LPP: variants seen among roughly 807,000 people sequenced by gnomAD.
LPP encodes LIM domain containing preferred translocation partner in lipoma.
LPP carries 38 observed loss-of-function variants against 60.4 expected under a neutral mutation model. That is an observed-to-expected ratio of 0.63 (90% CI 0.49 to 0.83). The LOEUF is 0.83. LPP is among the 40% of genes least tolerant of loss of function. LPP has a pLI of 0.00. For synonymous variants in LPP, 328 were observed against 290.8 expected (o/e 1.13, Z -1.30); for missense variants, 902 against 783.6 (o/e 1.15, Z -1.80).
At chr3:188,193,327 G>C (rs1728687024) in intron 1 of LPP, among the ~76,000 whole-genome samples, 1 of 152,202 alleles carries the variant, frequency 6.6e-6, no homozygotes, top group African/African-American at 2.4e-5. Flanking sequence ...CTGTGAGCTA[G>C]ATTGCCTAGA....
chr3:188,371,489 A>G (rs1773056156), intron 3 of LPP, among the ~76,000 whole-genome samples: 1 of 150,950 alleles, frequency 6.6e-6, no homozygotes, highest in Admixed American at 6.6e-5. Flanking sequence ...GACATCTGGC[A>G]GGTACAAGCC....
chr3:188,170,329 C>CTTTTTTTTTTTTTTT (rs34760455), intron 1 of LPP, among the ~76,000 whole-genome samples: 4 of 96,442 alleles, frequency 4.1e-5, no homozygotes, highest in African/African-American at 8.3e-5. Context: ...CTTTTCTTTT[C>CTTTTTTTTTTTTTTT]TTTTTTTTTT....
intron 1 of LPP, among the ~76,000 whole-genome samples, chr3:188,224,051 C>T (rs1454471152): frequency 1.3e-5 from 2 of 152,088 alleles, no homozygotes; most frequent in African/African-American, 4.8e-5. Context: ...GTGTTCGAGG[C>T]CTGGATTTGT....
chr3:188,660,009 C>G (rs1009025545), intron 7 of LPP, among the ~76,000 whole-genome samples: 1 of 151,944 alleles, frequency 6.6e-6, no homozygotes, highest in Non-Finnish European at 1.5e-5. Flanking sequence ...TCCTTTAAAG[C>G]GTAAGCACGA....
chr3:188,209,835 G>T (rs920101791), intron 1 of LPP, among the ~76,000 whole-genome samples: 2 of 152,142 alleles, frequency 1.3e-5, no homozygotes, highest in African/African-American at 4.8e-5. Flanking sequence ...AGTCCACAAG[G>T]CCAGCAGTAT....
At chr3:188,249,065 G>T (rs1345489907) in intron 2 of LPP, among the ~76,000 whole-genome samples, 1 of 152,114 alleles carries the variant, frequency 6.6e-6, no homozygotes, top group Non-Finnish European at 1.5e-5. Context: ...TTTAGAAGAA[G>T]AAATTTTATG....
chr3:188,550,000 G>A (rs1232768876), intron 6 of LPP, among the ~76,000 whole-genome samples: 15 of 152,086 alleles, frequency 9.9e-5, no homozygotes, highest in Admixed American at 9.2e-4. Flanking sequence ...CCAGCAATTT[G>A]CACACTTGTC....
chr3:188,410,644 T>A (rs1030221205), intron 4 of LPP, among the ~76,000 whole-genome samples: 2 of 152,234 alleles, frequency 1.3e-5, no homozygotes, highest in Admixed American at 1.3e-4. Flanking sequence ...TTTTCATAGC[T>A]AACTTAGAAT....
intron 7 of LPP, among the ~76,000 whole-genome samples, chr3:188,626,975 A>C (rs1200020528): frequency 1.3e-5 from 2 of 152,174 alleles, no homozygotes; most frequent in Non-Finnish European, 2.9e-5. Flanking sequence ...TTGAAAAATA[A>C]CACTCTTATG....
intron 8 of LPP, chr3:188,743,825 AG>A: frequency 6.6e-6 from 1 of 152,258 alleles, no homozygotes; most frequent in East Asian, 1.9e-4. Flanking sequence ...AAGTGGTAAG[AG>A]GCCAGTTTTC....
chr3:188,721,080 A>T (rs182181256), intron 8 of LPP, among the ~76,000 whole-genome samples: 6 of 152,080 alleles, frequency 3.9e-5, no homozygotes, highest in Non-Finnish European at 7.4e-5. Context: ...AATTTTTTTT[A>T]CCATATATGT....
At position 188,640,281 on chromosome 3, in the gene LPP, C is replaced by G. The variant is rs558451151; in HGVS notation, c.1113+30437C>G. Among the ~76,000 whole-genome samples the G allele has an allele frequency of 3.6e-3, 535 of 150,178 alleles. 1 individual carries two copies. Among genetic ancestry groups the G allele is most frequent in the African/African-American group, 0.013 (511 of 40,796 alleles). On this transcript the variant is annotated intron_variant, in intron 7 of 11. Transcript: ENST00000617246. ...GCTATCGCAAGAACAAAAAACCAAA[C>G]ACCACATATTCTCACTTATAGGTGG...
Position 188,689,219 on chromosome 3 carries a change from C to G in LPP, c.1114-19048C>G, listed in dbSNP as rs555400068. 2.3e-3 allele frequency among the ~76,000 whole-genome samples: 344 copies of G among 152,312 alleles called. 1 individual carries two copies. The highest frequency in any genetic ancestry group is 7.5e-3 in the African/African-American group (312 of 41,568). ...TGGTAGTTAGCAAATCTATCCTCAGCTCAGTCAGTGATCAAATCACTGGCT... is the reference window on the plus strand; with the variant it reads ...TGGTAGTTAGCAAATCTATCCTCAGGTCAGTCAGTGATCAAATCACTGGCT... On this transcript the variant is annotated intron_variant, in intron 7 of 11. Coordinates refer to ENST00000617246, the MANE Select transcript of LPP (RefSeq NM_001375462.1).
At chr3:188,341,508 C>CTTCT (rs1181473689) in intron 2 of LPP, among the ~76,000 whole-genome samples, 155 bp from the exon 3 acceptor site, 4 of 152,184 alleles carry the variant, frequency 2.6e-5, no homozygotes, top group Admixed American at 2.6e-4. Context: ...TCTCTTCCTG[C>CTTCT]TTCTTCATCG....
At chr3:188,273,589 C>CTTTTTTTT (rs11380757) in intron 2 of LPP, among the ~76,000 whole-genome samples, 82 of 80,424 alleles carry the variant, frequency 1.0e-3, no homozygotes, top group Non-Finnish European at 1.3e-3. Flanking sequence ...TATTTTATAT[C>CTTTTTTTT]TTTTTTTTTT....
intron 9 of LPP, among the ~76,000 whole-genome samples, chr3:188,844,732 A>C (rs1180626001): frequency 6.6e-6 from 1 of 152,250 alleles, no homozygotes; most frequent in Non-Finnish European, 1.5e-5. Context: ...GTAGACCTAC[A>C]GAAATTTAGA....
Position 188,656,757 on chromosome 3 carries a change from C to T in LPP, c.1113+46913C>T, listed in dbSNP as rs1262430721. ...ATTTGAAATGCAGGTTCTCTGAAGC[C>T]TTCTGGCTTGAAGGAATAATAGTGA... On this transcript the variant is annotated intron_variant, in intron 7 of 11. Transcript: ENST00000617246. Among the ~76,000 whole-genome samples the T allele has an allele frequency of 2.0e-5, 3 of 152,140 alleles. No individual in the cohort carries two copies. The South Asian group carries it at 6.2e-4, about 31-fold the overall frequency.
chr3:188,713,140 G>A (rs909607660), intron 8 of LPP, among the ~76,000 whole-genome samples: 2 of 152,238 alleles, frequency 1.3e-5, no homozygotes, highest in South Asian at 4.1e-4. Context: ...CCTCAATAAT[G>A]GGACAGACTG....
rs533904865 is a variant in LPP at position 188,636,410 on chromosome 3, C to T, written c.1113+26566C>T. On this transcript the variant is annotated intron_variant, in intron 7 of 11. Coordinates refer to ENST00000617246, the MANE Select transcript of LPP (RefSeq NM_001375462.1). Reference sequence around the variant, plus strand: ...GCACCTTGCTCGGAGGGTCCTACCCCATGGAGTCTCGCTGATTCCTAGCAC... The same window carrying T: ...GCACCTTGCTCGGAGGGTCCTACCCTATGGAGTCTCGCTGATTCCTAGCAC... 5.3e-5 allele frequency among the ~76,000 whole-genome samples: 8 copies of T among 152,314 alleles called. No individual in the cohort carries two copies. In the South Asian group the frequency reaches 1.4e-3, roughly 28 times the overall value.
Sources: allele counts gnomAD v4.1 joint callset (sites outside exome capture counted in the v4.1 genomes callset), GRCh38; gene constraint gnomAD v4.1.1; transcripts MANE v1.5; gene names NCBI Gene and HGNC (gene_info 2026-07-23, HGNC 2026-07-21).